The following RPF2 variants were observed in gnomAD, a reference collection of about 807,000 sequenced individuals.
RPF2 encodes brix domain containing 1.
RPF2 carries 21 observed loss-of-function variants against 38.9 expected under a neutral mutation model. That is an observed-to-expected ratio of 0.54 (90% CI 0.38 to 0.78). The LOEUF is 0.78. Among genes scored for constraint, RPF2 ranks in the 30% least tolerant of loss-of-function variants. The probability of loss-of-function intolerance (pLI) is 0.00; values close to 1 mark genes in which losing one functional copy is unlikely to be tolerated. For synonymous variants in RPF2, 121 were observed against 126.2 expected, an observed-to-expected ratio of 0.96 and a Z score of 0.28; for missense variants, 314 against 358.1, an observed-to-expected ratio of 0.88 and a Z score of 0.99.
At chr6:111,014,812 T>G (rs1354591539) in intron 7 of RPF2, among the ~76,000 whole-genome samples, 1 of 152,238 alleles carries the variant, frequency 6.6e-6, no homozygotes, top group Admixed American at 6.5e-5. Context: ...GAGATTTTCT[T>G]TTAATTGACT....
intron 8 of RPF2, 141 bp from the exon 9 acceptor site, chr6:111,024,042 A>G (rs1772279699): frequency 7.4e-6 from 5 of 677,900 alleles, no homozygotes; most frequent in Non-Finnish European, 1.2e-5. Context: ...CTTGGCTTGA[A>G]TAGTATTAAG....
intron 4 of RPF2, among the ~76,000 whole-genome samples, chr6:110,994,162 G>T (rs1771666971): frequency 6.6e-6 from 1 of 152,008 alleles, no homozygotes; most frequent in African/African-American, 2.4e-5. Flanking sequence ...TATAATTCCA[G>T]CTACTCGGGA....
At chr6:110,987,471 A>G (rs993659320) in intron 2 of RPF2, among the ~76,000 whole-genome samples, 1 of 152,192 alleles carries the variant, frequency 6.6e-6, no homozygotes, top group Non-Finnish European at 1.5e-5. Context: ...TCTGAATTTC[A>G]TTGTGCTAAC....
Position 111,025,724 on chromosome 6 carries a change from ATATAC to A in RPF2, c.*145_*149del. The A allele has an allele frequency of 1.7e-6, 1 of 605,408 alleles. No individual in the cohort carries two copies. The highest frequency in any genetic ancestry group is 2.7e-6 in the Non-Finnish European group (1 of 366,062). The allele number at this position is 605,408 out of a possible 1,614,324, so 37.5% of individuals were successfully genotyped here. ...TTACGATATATTATTATGAACAGTA[ATATAC>A]TAGTATTAAGTGTAAAGTAAGCCTT... is the stretch of plus-strand genomic sequence containing the variant. On this transcript the variant is annotated 3_prime_UTR_variant, in exon 10 of 10. Coordinates refer to ENST00000441448, the MANE Select transcript of RPF2 (RefSeq NM_032194.3).
chr6:111,012,484 G>C (rs982709598), intron 7 of RPF2, among the ~76,000 whole-genome samples: 2 of 151,904 alleles, frequency 1.3e-5, no homozygotes, highest in African/African-American at 4.8e-5. Context: ...TTCTTAAATG[G>C]TAGCATATTA....
chr6:111,007,031 A>C (rs1228295237), intron 6 of RPF2, among the ~76,000 whole-genome samples: 1 of 152,080 alleles, frequency 6.6e-6, no homozygotes, highest in African/African-American at 2.4e-5. Flanking sequence ...GCAAGAGTGA[A>C]AGTCCGTCTC....
chr6:110,999,315 A>G (rs1461504926), intron 5 of RPF2, among the ~76,000 whole-genome samples: 1 of 152,118 alleles, frequency 6.6e-6, no homozygotes, highest in African/African-American at 2.4e-5. Context: ...TACTAAATCA[A>G]TATTAGAAAA....
In RPF2 at chr6:111,015,904, T is replaced by C. The variant is rs745734226; in HGVS notation, c.596+48T>C. 7 of 1,362,422 alleles carry C rather than the reference T, an allele frequency of 5.1e-6. No homozygotes were observed. The South Asian group carries it at 8.2e-5, about 16-fold the overall frequency. 84.4% of individuals were successfully genotyped at this position (1,362,422 alleles called of 1,614,324 possible). On this transcript the variant is annotated intron_variant, in intron 8 of 9. Coordinates refer to ENST00000441448, the MANE Select transcript of RPF2 (RefSeq NM_032194.3). ...TTTCTTAATCCTCAGGGTTAGTGTT[T>C]AAAACTGTGTGACTGTTTTTTAGAG...
At chr6:111,005,955 A>G (rs918968249) in intron 6 of RPF2, among the ~76,000 whole-genome samples, 2 of 151,964 alleles carry the variant, frequency 1.3e-5, no homozygotes, top group African/African-American at 2.4e-5. Context: ...GACTACAGGC[A>G]CACTGCACCT....
At chr6:111,016,726 C>A (rs1772121258) in intron 8 of RPF2, among the ~76,000 whole-genome samples, 1 of 114,622 alleles carries the variant, frequency 8.7e-6, no homozygotes, top group African/African-American at 3.6e-5. Flanking sequence ...GGGTGTTTCT[C>A]GCAGAGGGGG....
At chr6:111,019,122 A>G (rs1231457820) in intron 8 of RPF2, among the ~76,000 whole-genome samples, 1 of 152,134 alleles carries the variant, frequency 6.6e-6, no homozygotes, top group African/African-American at 2.4e-5. Context: ...AGGCAGGACA[A>G]TTGAGCCCAG....
At chr6:111,016,084 G>C (rs1485232757) in intron 8 of RPF2, among the ~76,000 whole-genome samples, 3 of 152,152 alleles carry the variant, frequency 2.0e-5, no homozygotes, top group South Asian at 4.1e-4. Flanking sequence ...CGCTGAGCCA[G>C]GTGCACCAAC....
intron 4 of RPF2, among the ~76,000 whole-genome samples, chr6:110,996,786 TAG>T (rs1491514853): frequency 0.011 from 1,719 of 152,254 alleles, 30 homozygotes; most frequent in African/African-American, 0.039. Context: ...AAAAAACTGT[TAG>T]AGTTTTTTGT....
chr6:110,994,030 G>A lies in RPF2; in HGVS notation c.234+2244G>A, dbSNP rs533510778. 5.3e-5 allele frequency among the ~76,000 whole-genome samples: 8 copies of A among 152,102 alleles called. No individual in the cohort carries two copies. In the East Asian group the frequency reaches 1.2e-3, roughly 22 times the overall value. On this transcript the variant is annotated intron_variant, in intron 4 of 9. Coordinates refer to ENST00000441448, the MANE Select transcript of RPF2 (RefSeq NM_032194.3). ...GGTGGCTCATGCCTGTAATCCCAGC[G>A]CTCTGGGAGGCCAAGGCGTGTGGAT... is the stretch of plus-strand genomic sequence containing the variant.
chr6:111,008,799 A>G (rs555483094), intron 7 of RPF2, among the ~76,000 whole-genome samples: 1 of 150,068 alleles, frequency 6.7e-6, no homozygotes, highest in East Asian at 2.0e-4. Flanking sequence ...TCTATTGTGT[A>G]TTCTGATATT....
intron 2 of RPF2, among the ~76,000 whole-genome samples, chr6:110,987,750 ATTAT>A (rs1034721992): frequency 1.3e-5 from 2 of 152,282 alleles, no homozygotes; most frequent in African/African-American, 4.8e-5. Context: ...ATGAATGATT[ATTAT>A]ACCTTATTTT....
At chr6:111,019,633 A>T (rs1443404574) in intron 8 of RPF2, among the ~76,000 whole-genome samples, 1 of 152,142 alleles carries the variant, frequency 6.6e-6, no homozygotes, top group Non-Finnish European at 1.5e-5. Flanking sequence ...GCTACTCGGG[A>T]GGCTGAGGCT....
chr6:111,007,927 A>G, intron 6 of RPF2, 111 bp from the exon 7 acceptor site: 1 of 1,199,050 alleles, frequency 8.3e-7, no homozygotes, highest in Non-Finnish European at 1.1e-6. Context: ...AGCCTGGATG[A>G]CAGAGTGAGA....
At chr6:110,996,742 GTTCATTAAGTC>G (rs1011876781) in intron 4 of RPF2, among the ~76,000 whole-genome samples, 8 of 151,940 alleles carry the variant, frequency 5.3e-5, no homozygotes, top group Non-Finnish European at 1.2e-4. Context: ...TTTCTTTCTG[GTTCATTAAGTC>G]TTCATTAACT....
Sources: gnomAD v4.1 joint callset for allele counts (sites outside exome capture counted in the v4.1 genomes callset) on GRCh38, gnomAD v4.1.1 for gene constraint, MANE v1.5 for transcripts, NCBI Gene and HGNC (gene_info 2026-07-23, HGNC 2026-07-21) for gene names.